EEF1AKMT1: variants seen among roughly 807,000 people sequenced by gnomAD.
The protein encoded by EEF1AKMT1 is EEF1A lysine methyltransferase 1.
In EEF1AKMT1, 18 loss-of-function variants were observed where a neutral mutation model predicts 21.0. The observed-to-expected ratio is 0.86, with a 90% CI of 0.59 to 1.27. EEF1AKMT1 has a LOEUF of 1.27. Ranked by LOEUF, EEF1AKMT1 falls within the 50% of genes most tolerant of loss-of-function variation. The pLI is 0.00. For missense variants in EEF1AKMT1, 246 were observed against 258.6 expected (o/e 0.95, Z 0.33); for synonymous variants, 109 against 94.8 (o/e 1.15, Z -0.87).
At chr13:20,767,195 A>G (rs1302162589) in intron 1 of EEF1AKMT1, among the ~76,000 whole-genome samples, 4 of 150,116 alleles carry the variant, frequency 2.7e-5, no homozygotes, top group African/African-American at 9.9e-5. Flanking sequence ...AGTCCCAGCT[A>G]CTCGGGAGGC....
chr13:20,761,094 A>G (rs528969391), intron 1 of EEF1AKMT1, among the ~76,000 whole-genome samples: 1 of 152,226 alleles, frequency 6.6e-6, no homozygotes, highest in Non-Finnish European at 1.5e-5. Context: ...AGTTTTACAC[A>G]CATTTATTTG....
chr13:20,740,287 C>A (rs2058861967), intron 2 of EEF1AKMT1, among the ~76,000 whole-genome samples: 1 of 152,210 alleles, frequency 6.6e-6, no homozygotes. Flanking sequence ...CCACGCACAG[C>A]CCCAGTTTCC....
chr13:20,739,275 G>C (rs1035948053), intron 2 of EEF1AKMT1, among the ~76,000 whole-genome samples: 3 of 152,178 alleles, frequency 2.0e-5, no homozygotes, highest in African/African-American at 7.2e-5. Flanking sequence ...GACCCAAACA[G>C]TGAGCAGCAG....
rs549016983 is a variant in EEF1AKMT1, at chr13:20,763,239, T to A, written c.-19-5622A>T. 7.8e-4 allele frequency among the ~76,000 whole-genome samples: 118 copies of A among 152,216 alleles called. 1 individual carries two copies. Among genetic ancestry groups the A allele is most frequent in the African/African-American group, 2.8e-3 (117 of 41,528 alleles). On this transcript the variant is annotated intron_variant, in intron 1 of 4. Coordinates refer to ENST00000382758, the MANE Select transcript of EEF1AKMT1 (RefSeq NM_001318939.2). ...TGCTAACGCAATAAACATTTGGTAATTTTTTTCAGTGAAATCATGTGCTAT... is the reference window on the plus strand; with the variant it reads ...TGCTAACGCAATAAACATTTGGTAAATTTTTTCAGTGAAATCATGTGCTAT...
chr13:20,748,977 G>A (rs189202355), intron 2 of EEF1AKMT1, among the ~76,000 whole-genome samples: 52 of 152,156 alleles, frequency 3.4e-4, no homozygotes, highest in Admixed American at 3.1e-3. Flanking sequence ...GATCTACCCC[G>A]CTAGGCCTCT....
intron 3 of EEF1AKMT1, among the ~76,000 whole-genome samples, chr13:20,733,067 CG>C (rs1167842884): frequency 6.7e-6 from 1 of 149,132 alleles, no homozygotes; most frequent in East Asian, 2.0e-4. Flanking sequence ...AACCTAAATA[CG>C]GAATTATTGA....
intron 2 of EEF1AKMT1, among the ~76,000 whole-genome samples, chr13:20,738,687 T>C (rs993541116): frequency 3.9e-5 from 6 of 152,240 alleles, no homozygotes; most frequent in Non-Finnish European, 8.8e-5. Context: ...GCTACATGGA[T>C]GAGTCTTGGA....
Position 20,739,397 on chromosome 13 carries a change from C to T in EEF1AKMT1, c.145-1592G>A, listed in dbSNP as rs185570481. ...CCTGCTTTTATTCCCTTATCTGACCCCACCCACATCCTGCTGATTGGTCCA... is the reference window on the plus strand; with the variant it reads ...CCTGCTTTTATTCCCTTATCTGACCTCACCCACATCCTGCTGATTGGTCCA... On this transcript the variant is annotated intron_variant, in intron 2 of 4. Coordinates refer to ENST00000382758, the MANE Select transcript of EEF1AKMT1 (RefSeq NM_001318939.2). 2.7e-3 allele frequency among the ~76,000 whole-genome samples: 411 copies of T among 152,316 alleles called. 5 individuals carry two copies. Among genetic ancestry groups the T allele is most frequent in the African/African-American group, 9.3e-3 (386 of 41,566 alleles).
intron 2 of EEF1AKMT1, among the ~76,000 whole-genome samples, chr13:20,743,726 G>C (rs2058886393): frequency 6.7e-6 from 1 of 150,154 alleles, no homozygotes; most frequent in Non-Finnish European, 1.5e-5. Context: ...AGAATGTGCA[G>C]GTTTGTTGCA....
chr13:20,734,789 T>C (rs1041279401), intron 3 of EEF1AKMT1, among the ~76,000 whole-genome samples: 4 of 152,046 alleles, frequency 2.6e-5, no homozygotes, highest in African/African-American at 9.7e-5. Context: ...GGTTAAAAGT[T>C]GCTTCCAAGG....
chr13:20,759,354 T>C (rs988113077), intron 1 of EEF1AKMT1, among the ~76,000 whole-genome samples: 1 of 151,696 alleles, frequency 6.6e-6, no homozygotes, highest in Non-Finnish European at 1.5e-5. Context: ...TGGAGGCGGG[T>C]GGATCATGAG....
intron 2 of EEF1AKMT1, among the ~76,000 whole-genome samples, chr13:20,753,573 G>A (rs1302473936): frequency 6.6e-6 from 1 of 152,122 alleles, no homozygotes; most frequent in African/African-American, 2.4e-5. Context: ...GATGTAATAA[G>A]ATCTGCTTTA....
At chr13:20,738,829 G>A (rs536428145) in intron 2 of EEF1AKMT1, among the ~76,000 whole-genome samples, 49 of 152,254 alleles carry the variant, frequency 3.2e-4, no homozygotes, top group African/African-American at 1.1e-3. Flanking sequence ...GGAGGATTGA[G>A]GGATTAGGAG....
chr13:20,736,733 C>CTTTTT lies in EEF1AKMT1; in HGVS notation c.227+985_227+989dup, dbSNP rs71087090. Among the ~76,000 whole-genome samples the CTTTTT allele has an allele frequency of 1.4e-3, 123 of 87,072 alleles. 7 individuals carry two copies. The highest frequency in any genetic ancestry group is 4.1e-3 in the African/African-American group (89 of 21,680). 57.1% of individuals were successfully genotyped at this position (87,072 alleles called of 152,430 possible). On this transcript the variant is annotated intron_variant, in intron 3 of 4. Coordinates refer to ENST00000382758, the MANE Select transcript of EEF1AKMT1 (RefSeq NM_001318939.2). ...CATTAAGCCTTTTAGAACCATTTGACTTTTTTTTTTTTTTTTTTTTTTGAG... is the reference window on the plus strand; with the variant it reads ...CATTAAGCCTTTTAGAACCATTTGACTTTTTTTTTTTTTTTTTTTTTTTTTTTGAG...
Position 20,728,777 on chromosome 13 carries a change from T to C in EEF1AKMT1, c.*303A>G, listed in dbSNP as rs1288743750. On this transcript the variant is annotated 3_prime_UTR_variant, in exon 5 of 5. Transcript: ENST00000382758. ...AAGGTCCTGTCTCATTCAGGAGCCC[T>C]TGGGCAAGCCACACAACTGTTCTTC... is the stretch of plus-strand genomic sequence containing the variant. The C allele has an allele frequency of 1.1e-5, 4 of 371,498 alleles. No individual in the cohort carries two copies. Among genetic ancestry groups the C allele is most frequent in the East Asian group, 1.2e-4 (2 of 16,430 alleles). 23.0% of individuals were successfully genotyped at this position (371,498 alleles called of 1,614,324 possible).
chr13:20,729,020 CG>C lies in EEF1AKMT1; in HGVS notation c.*59del. ...GAGATTATAACTTTTAAATCTACTA[CG>C]AAAATACAAAAAGAGGAATGTGACA... On this transcript the variant is annotated 3_prime_UTR_variant, in exon 5 of 5. Transcript: ENST00000382758. 6.2e-7 allele frequency: 1 copy of C among 1,605,040 alleles called. No homozygotes were observed. Among genetic ancestry groups the C allele is most frequent in the Non-Finnish European group, 8.5e-7 (1 of 1,172,726 alleles).
intron 2 of EEF1AKMT1, among the ~76,000 whole-genome samples, chr13:20,744,879 G>T (rs917485522): frequency 2.2e-4 from 34 of 152,198 alleles, no homozygotes; most frequent in African/African-American, 7.5e-4. Flanking sequence ...TAAGGAAGGG[G>T]CCCAGTTTCT....
At chr13:20,739,321 C>G (rs2058854564) in intron 2 of EEF1AKMT1, among the ~76,000 whole-genome samples, 1 of 152,184 alleles carries the variant, frequency 6.6e-6, no homozygotes, top group South Asian at 2.1e-4. Context: ...AACAAACCTT[C>G]CACAGCATGG....
chr13:20,754,906 A>T (rs79850465), intron 2 of EEF1AKMT1, among the ~76,000 whole-genome samples: 86 of 5,980 alleles, frequency 0.014, no homozygotes, highest in African/African-American at 0.028. Context: ...AAAGAAAATT[A>T]AAAAAAAAAA....
Sources: allele counts gnomAD v4.1 joint callset (sites outside exome capture counted in the v4.1 genomes callset), GRCh38; gene constraint gnomAD v4.1.1; transcripts MANE v1.5; gene names NCBI Gene and HGNC (gene_info 2026-07-23, HGNC 2026-07-21).